The following RAB40C variants were observed in gnomAD, a reference collection of about 807,000 sequenced individuals.
RAB40C encodes the protein RAB40C, member RAS oncogene family.
A neutral mutation model predicts 28.1 loss-of-function variants in RAB40C; 8 were observed. The observed-to-expected ratio is 0.28, with a 90% confidence interval of 0.17 to 0.51. The LOEUF (loss-of-function observed/expected upper bound fraction) is 0.51, where lower values mean the gene tolerates loss of function less well. Ranked by LOEUF, RAB40C falls within the 20% of genes least tolerant of loss-of-function variation. RAB40C has a pLI of 0.97. For synonymous variants in RAB40C, 201 were observed against 171.7 expected (o/e 1.17, Z -1.34); for missense variants, 288 against 405.9 (o/e 0.71, Z 2.50).
At position 627,599 on chromosome 16, in the gene RAB40C, C is replaced by A. The variant is rs11548187; in HGVS notation, c.823C>A (p.Arg275=). 7 of 1,595,214 alleles carry A rather than the reference C, an allele frequency of 4.4e-6. No individual in the cohort carries two copies. In the South Asian group the frequency reaches 5.6e-5, roughly 13 times the overall value. Residue 275 remains arginine, a synonymous_variant, in exon 6 of 6, where the codon CGG becomes AGG. Transcript: ENST00000248139. ...CCAGAGCCCCCCCCAGAACTGCTCG[C>A]GGAGTAACTGCAAGATCTCCTAGCG... ...PPQSPPQNCS[R]SNCKIS is the part of the protein sequence containing the mutation.
chr16:610,641 G>A lies in RAB40C; in HGVS notation c.143-6567G>A, dbSNP rs1028155444. Among the ~76,000 whole-genome samples the A allele has an allele frequency of 6.6e-6, 1 of 152,134 alleles. No homozygotes were observed. The highest frequency in any genetic ancestry group is 1.5e-5 in the Non-Finnish European group (1 of 68,014). Reference sequence around the variant, plus strand: ...TGGGGTAGTGTTGAGCTCTGCAGCCGGAGCCCACTGCCCCTGCCCCTGCGC... The same window carrying A: ...TGGGGTAGTGTTGAGCTCTGCAGCCAGAGCCCACTGCCCCTGCCCCTGCGC... On this transcript the variant is annotated intron_variant, in intron 1 of 5. Coordinates refer to ENST00000248139, the MANE Select transcript of RAB40C (RefSeq NM_021168.5). The surrounding 1 kb of genome is among the most constrained non-coding windows in gnomAD (Gnocchi z 4.6).
At chr16:624,611 C>T (rs534759153) in intron 3 of RAB40C, 2 of 985,362 alleles carry the variant, frequency 2.0e-6, no homozygotes, top group South Asian at 4.7e-5. Context: ...CTTTCAGCCT[C>T]AGCCTCTTGT....
At chr16:623,460 T>C (rs948523518) in intron 3 of RAB40C, among the ~76,000 whole-genome samples, 8 of 151,694 alleles carry the variant, frequency 5.3e-5, no homozygotes, top group Non-Finnish European at 1.2e-4. Context: ...CCATCCTGGC[T>C]AACACGGTGA....
At chr16:600,762 A>G (rs1363470947) in intron 1 of RAB40C, among the ~76,000 whole-genome samples, 2 of 152,238 alleles carry the variant, frequency 1.3e-5, no homozygotes, top group Non-Finnish European at 2.9e-5. Context: ...AAAAAAATAA[A>G]AATAAGAGCT....
At chr16:598,402 A>G (rs148689826) in intron 1 of RAB40C, among the ~76,000 whole-genome samples, 1,594 of 150,846 alleles carry the variant, frequency 0.011, 26 homozygotes, top group African/African-American at 0.029. Context: ...TACAAATACA[A>G]ATACAAAAAT....
intron 1 of RAB40C, among the ~76,000 whole-genome samples, chr16:615,242 T>G (rs1311484854): frequency 6.6e-6 from 1 of 152,120 alleles, no homozygotes; most frequent in Non-Finnish European, 1.5e-5. Flanking sequence ...TTGATGTACA[T>G]GTAGGGGTTG....
chr16:605,488 C>A (rs2036340912), intron 1 of RAB40C, among the ~76,000 whole-genome samples: 1 of 152,230 alleles, frequency 6.6e-6, no homozygotes. Context: ...CACACTCTGC[C>A]CCCGGCCTGG....
In RAB40C at chr16:617,242, C is replaced by A; in HGVS notation, c.177C>A (p.Asp59Glu). 6.2e-7 allele frequency: 1 copy of A among 1,614,112 alleles called. No individual in the cohort carries two copies. The highest frequency in any genetic ancestry group is 8.5e-7 in the Non-Finnish European group (1 of 1,180,012). Reference sequence around the variant, plus strand: ...ACAAGACCACCACCATCCTGCTGGACGGCCGGCGCGTGAAGCTGGAGCTCT... The same window carrying A: ...ACAAGACCACCACCATCCTGCTGGAAGGCCGGCGCGTGAAGCTGGAGCTCT... ...IDYKTTTILL[D>E]GRRVKLELWD... The change falls in exon 2 of 6, where the codon GAC becomes GAA. Residue 59 changes from aspartate to glutamate, a missense_variant. Asp to Glu is a conservative substitution (Grantham distance 45). This residue lies in a region of RAB40C where 78 missense variants were observed against 88.2 expected (regional missense o/e 0.88). Transcript: ENST00000248139.
intron 5 of RAB40C, 139 bp downstream of exon 5, chr16:626,260 C>T (rs549927250): frequency 1.5e-4 from 128 of 833,014 alleles, no homozygotes; most frequent in African/African-American, 6.6e-4. Flanking sequence ...GCTCGGCCGG[C>T]GGCAGGTCAG....
intron 1 of RAB40C, chr16:596,217 A>T: frequency 2.3e-6 from 1 of 443,458 alleles, no homozygotes; most frequent in Non-Finnish European, 4.6e-6. Context: ...ACAGTGTTTC[A>T]GGAAGGAAGC....
At chr16:609,834 C>T (rs921396707) in intron 1 of RAB40C, among the ~76,000 whole-genome samples, 1 of 152,060 alleles carries the variant, frequency 6.6e-6, no homozygotes, top group African/African-American at 2.4e-5. Context: ...CCCTGGCTGG[C>T]GCGGCTCAGG....
At chr16:615,819 G>A (rs946915303) in intron 1 of RAB40C, among the ~76,000 whole-genome samples, 3 of 152,042 alleles carry the variant, frequency 2.0e-5, no homozygotes, top group Non-Finnish European at 4.4e-5. Flanking sequence ...AAAATTAGCC[G>A]GCTGTGGTGG....
intron 1 of RAB40C, among the ~76,000 whole-genome samples, chr16:605,501 T>C (rs2036341248): frequency 6.6e-6 from 1 of 152,360 alleles, no homozygotes; most frequent in East Asian, 1.9e-4. Flanking sequence ...CGGCCTGGCA[T>C]GTCACTGTGG....
At chr16:602,513 A>G (rs1404290619) in intron 1 of RAB40C, among the ~76,000 whole-genome samples, 1 of 152,222 alleles carries the variant, frequency 6.6e-6, no homozygotes. Context: ...GCTCACTGCA[A>G]CGTCTGCCTC....
chr16:593,361 C>T (rs894048422), intron 1 of RAB40C, among the ~76,000 whole-genome samples: 10 of 152,358 alleles, frequency 6.6e-5, no homozygotes, highest in African/African-American at 2.2e-4. Context: ...AGCTTTAGGC[C>T]TCTGGCCCTC....
intron 1 of RAB40C, among the ~76,000 whole-genome samples, chr16:613,501 C>T (rs959282174): frequency 9.2e-5 from 14 of 152,252 alleles, no homozygotes; most frequent in African/African-American, 2.9e-4. Flanking sequence ...TTCTGCACGC[C>T]GGCTGGCACT....
Position 605,387 on chromosome 16 carries a change from C to A in RAB40C, c.143-11821C>A, listed in dbSNP as rs1395243658. Among the ~76,000 whole-genome samples, 3 of 152,306 alleles carry A rather than the reference C, an allele frequency of 2.0e-5. No homozygotes were observed. The South Asian group carries it at 6.2e-4, about 32-fold the overall frequency. On this transcript the variant is annotated intron_variant, in intron 1 of 5. Transcript: ENST00000248139. Reference sequence around the variant, plus strand: ...GAGGTGTAATTTGTGTACAAAAAAACCCCTTTAAAGTCTGCAATACAGTGA... The same window carrying A: ...GAGGTGTAATTTGTGTACAAAAAAAACCCTTTAAAGTCTGCAATACAGTGA...
At chr16:618,483 G>C (rs1055462360) in intron 3 of RAB40C, among the ~76,000 whole-genome samples, 1 of 152,366 alleles carries the variant, frequency 6.6e-6, no homozygotes, top group East Asian at 1.9e-4. Flanking sequence ...TCCCCCTCCC[G>C]GGTTCAAGCG....
At chr16:608,723 A>T (rs944456016) in intron 1 of RAB40C, among the ~76,000 whole-genome samples, 5 of 152,184 alleles carry the variant, frequency 3.3e-5, no homozygotes, top group African/African-American at 1.2e-4. Flanking sequence ...TGCAAAAAAA[A>T]TTAGCTGGGC....
Sources: gnomAD v4.1 joint callset for allele counts (sites outside exome capture counted in the v4.1 genomes callset) on GRCh38, gnomAD v4.1.1 for gene constraint, gnomAD v4.1.1 regional missense constraint, Gnocchi (gnomAD v3.1) non-coding constraint, MANE v1.5 for transcripts, NCBI Gene and HGNC (gene_info 2026-07-23, HGNC 2026-07-21) for gene names.